CHAF1A: variants seen among roughly 807,000 people sequenced by gnomAD.
The protein encoded by CHAF1A is chromatin assembly factor 1 subunit A, also known as CAF-1 subunit A.
CHAF1A carries 5 observed loss-of-function variants against 93.2 expected under a neutral mutation model. That is an observed-to-expected ratio of 0.05 (90% CI 0.03 to 0.11). CHAF1A has a LOEUF of 0.11. CHAF1A is among the 10% of genes least tolerant of loss of function. CHAF1A has a pLI of 1.00. For synonymous variants in CHAF1A, 504 were observed against 510.3 expected, an observed-to-expected ratio of 0.99 and a Z score of 0.17; for missense variants, 1,102 against 1,259.9, an observed-to-expected ratio of 0.87 and a Z score of 1.90.
At chr19:4,429,416 A>T (rs759569032) in intron 8 of CHAF1A, 22 bp from the exon 9 acceptor site, 21 of 1,611,206 alleles carry the variant, frequency 1.3e-5, no homozygotes, top group Non-Finnish European at 1.8e-5. Context: ...CGTGATCCTG[A>T]GCCTGGGGTT....
intron 13 of CHAF1A, among the ~76,000 whole-genome samples, chr19:4,436,779 T>G (rs1974291155): frequency 6.6e-6 from 1 of 152,082 alleles, no homozygotes; most frequent in Non-Finnish European, 1.5e-5. Flanking sequence ...CTCTCCCAGC[T>G]GGGGTGCAGT....
At chr19:4,415,495 A>T (rs1434366698) in intron 3 of CHAF1A, among the ~76,000 whole-genome samples, 1 of 152,188 alleles carries the variant, frequency 6.6e-6, no homozygotes, top group Non-Finnish European at 1.5e-5. Context: ...ATCTCTGAAC[A>T]CAAAGGGCAG....
intron 1 of CHAF1A, 146 bp from the exon 2 acceptor site, chr19:4,405,766 A>T: frequency 1.6e-6 from 1 of 634,134 alleles, no homozygotes; most frequent in South Asian, 1.9e-5. Context: ...ACAACCAAAA[A>T]CATCTCTAGA....
intron 6 of CHAF1A, 63 bp from the exon 7 acceptor site, chr19:4,423,743 T>C: frequency 6.6e-7 from 1 of 1,521,310 alleles, no homozygotes; most frequent in Non-Finnish European, 9.1e-7. Context: ...CCTTTGCATG[T>C]TTTGCAACAC....
Position 4,433,130 on chromosome 19 carries a change from G to A in CHAF1A, c.2264G>A (p.Arg755Gln), listed in dbSNP as rs547492068. The A allele has an allele frequency of 6.8e-6, 11 of 1,611,656 alleles. No homozygotes were observed. The highest frequency in any genetic ancestry group is 2.7e-5 in the African/African-American group (2 of 75,004). The change falls in exon 13 of 15, where the codon CGG becomes CAG. Residue 755 changes from arginine (R) to glutamine (Q), a missense_variant. By Grantham distance (43) the Arg-to-Gln change is conservative. Transcript: ENST00000301280. This position sits in a 1 kb window ranked among gnomAD's most constrained non-coding sequence, Gnocchi z 5.6. The part of the protein sequence containing the change: ...GNVNGSKVII[R>Q]EFQEHCRRGL... ...GTGAACGGGAGCAAGGTCATCATCC[G>A]GGAGTTCCAGGAGCACTGCCGCCGG...
intron 13 of CHAF1A, among the ~76,000 whole-genome samples, chr19:4,441,589 CAG>C (rs1974389494): frequency 6.6e-6 from 1 of 151,770 alleles, no homozygotes; most frequent in Admixed American, 6.6e-5. Context: ...GCCTCAGTGA[CAG>C]AGTGAAACTC....
intron 8 of CHAF1A, 41 bp from the exon 9 acceptor site, chr19:4,429,397 G>A (rs1439980217): frequency 2.5e-6 from 4 of 1,605,404 alleles, no homozygotes; most frequent in African/African-American, 2.7e-5. Context: ...GAGCAGGTCT[G>A]TAAGGCAGCG....
intron 11 of CHAF1A, 113 bp from the exon 12 acceptor site, chr19:4,431,839 G>C (rs1974187745): frequency 1.4e-6 from 2 of 1,393,386 alleles, no homozygotes; most frequent in South Asian, 2.8e-5. Context: ...GAAGTTTTGT[G>C]CCCCTGTCCT....
In CHAF1A at chr19:4,428,907, G is replaced by A. The variant is rs1386691473; in HGVS notation, c.1604+17G>A. On this transcript the variant is annotated intron_variant, in intron 8 of 14. Transcript: ENST00000301280. ...TTTTAACAGGTCAGAGCCTGAGGAG[G>A]TCGGCCTTCACCCACTAGTGATGCT... 6.8e-6 allele frequency: 11 copies of A among 1,606,850 alleles called. No individual in the cohort carries two copies. The highest frequency in any genetic ancestry group is 9.4e-6 in the Non-Finnish European group (11 of 1,174,098).
At chr19:4,431,555 C>T (rs1306687723) in intron 11 of CHAF1A, among the ~76,000 whole-genome samples, 1 of 152,048 alleles carries the variant, frequency 6.6e-6, no homozygotes, top group Non-Finnish European at 1.5e-5. Flanking sequence ...TTGTGCATAT[C>T]TGACCACCGA....
chr19:4,445,329 G>T, downstream of CHAF1A: 1 of 1,166,000 alleles, frequency 8.6e-7, no homozygotes, highest in Non-Finnish European at 1.2e-6. Context: ...AGGGATGGGG[G>T]CTCTGCCACG....
intron 11 of CHAF1A, chr19:4,430,911 A>G (rs1974170516): frequency 2.2e-6 from 1 of 461,444 alleles, no homozygotes; most frequent in African/African-American, 2.0e-5. Context: ...TCTGTGGGTT[A>G]GAAGGCTGGA....
chr19:4,419,448 T>TA (rs1973952503), intron 4 of CHAF1A, among the ~76,000 whole-genome samples: 1 of 151,618 alleles, frequency 6.6e-6, no homozygotes, highest in Admixed American at 6.6e-5. Flanking sequence ...CTTTTTTTTT[T>TA]ATTGAGACAC....
chr19:4,413,106 T>G (rs1289969654), intron 3 of CHAF1A, among the ~76,000 whole-genome samples: 1 of 152,138 alleles, frequency 6.6e-6, no homozygotes, highest in Non-Finnish European at 1.5e-5. Context: ...GGAATCTCAC[T>G]CTTTTGCCCA....
downstream of CHAF1A, among the ~76,000 whole-genome samples, chr19:4,444,180 G>A (rs370591895): frequency 3.9e-5 from 6 of 152,288 alleles, no homozygotes; most frequent in Non-Finnish European, 8.8e-5. Flanking sequence ...TCAACAGGCC[G>A]GGTGCCCACA....
intron 13 of CHAF1A, among the ~76,000 whole-genome samples, chr19:4,436,172 A>T (rs1234996007): frequency 6.6e-6 from 1 of 151,906 alleles, no homozygotes; most frequent in Non-Finnish European, 1.5e-5. Flanking sequence ...GGTGGTCGTT[A>T]GGGGCAGGGA....
At chr19:4,446,402 A>G (rs772943511), downstream of CHAF1A, 3 of 1,576,622 alleles carry the variant, frequency 1.9e-6, no homozygotes, top group African/African-American at 4.0e-5. Context: ...CAGCCGCTCC[A>G]CCGCCTCGGA....
At chr19:4,418,201 T>C in intron 4 of CHAF1A, 125 bp downstream of exon 4, 1 of 605,298 alleles carries the variant, frequency 1.7e-6, no homozygotes, top group Non-Finnish European at 2.9e-6. Flanking sequence ...CTGACCATCA[T>C]TTTGATTCCT....
intron 3 of CHAF1A, among the ~76,000 whole-genome samples, chr19:4,411,644 C>CTTCTTTTTTTTTTTTTTTTTTTTTTT (rs1973802048): frequency 2.1e-5 from 1 of 48,204 alleles, no homozygotes; most frequent in African/African-American, 7.9e-5. Flanking sequence ...TGGTGCAAAT[C>CTTCTTTTTTTTTTTTTTTTTTTTTTT]TTTTTTTTTT....
Sources: gnomAD v4.1 joint callset for allele counts (sites outside exome capture counted in the v4.1 genomes callset) on GRCh38, gnomAD v4.1.1 for gene constraint, Gnocchi (gnomAD v3.1) non-coding constraint, MANE v1.5 for transcripts, NCBI Gene and HGNC (gene_info 2026-07-23, HGNC 2026-07-21) for gene names.